The following TNS4 variants were observed in gnomAD, a reference collection of about 807,000 sequenced individuals.
TNS4 encodes tensin-4.
TNS4 carries 46 observed loss-of-function variants against 70.4 expected under a neutral mutation model. That is an observed-to-expected ratio of 0.65 (90% confidence interval 0.52 to 0.84). The LOEUF is 0.84. Ranked by LOEUF, TNS4 falls within the 40% of genes least tolerant of loss-of-function variation. The pLI, the probability that TNS4 is intolerant of heterozygous loss-of-function variation, is 0.00. For synonymous variants in TNS4, 390 were observed against 366.6 expected (o/e 1.06, Z -0.73); for missense variants, 863 against 907.0 (o/e 0.95, Z 0.62).
intron 9 of TNS4, among the ~76,000 whole-genome samples, chr17:40,480,419 C>G (rs1286006877): frequency 6.6e-6 from 1 of 152,134 alleles, no homozygotes; most frequent in Non-Finnish European, 1.5e-5. Context: ...GAGACCCTAG[C>G]ACGTGTGCAC....
In TNS4 at chr17:40,487,386, G is replaced by T; in HGVS notation, c.938C>A (p.Ser313Tyr). ...SSRSLESPAN[S>Y]SSSLHSLGSV... ...GCCAAGGCTGTGGAGGCTGGAGGAA[G>T]AGTTGGCTGGACTTTCCAAGGATCT... The change falls in exon 4 of 13, where the codon TCT (serine) becomes TAT (tyrosine). Residue 313 changes from serine (S) to tyrosine (Y), a missense_variant. Ser to Tyr is a moderately radical substitution (Grantham distance 144). Transcript: ENST00000254051. 1 of 1,614,188 alleles carries T rather than the reference G, an allele frequency of 6.2e-7. No homozygotes were observed.
rs143017479 is a variant in TNS4, at chr17:40,479,308, C to T, written c.1910+366G>A. Among the ~76,000 whole-genome samples the T allele has an allele frequency of 9.0e-4, 137 of 152,212 alleles. 1 individual carries two copies. The highest frequency in any genetic ancestry group is 1.5e-3 in the Non-Finnish European group (104 of 68,000). On this transcript the variant is annotated intron_variant, in intron 10 of 12. Coordinates refer to ENST00000254051, the MANE Select transcript of TNS4 (RefSeq NM_032865.6). ...GATTACAGGTGCGTGCCACCATGCC[C>T]GGCTAATTTTGTATTTTTAGTAGAG...
intron 2 of TNS4, among the ~76,000 whole-genome samples, chr17:40,494,538 C>A (rs1435846788): frequency 1.3e-5 from 2 of 152,146 alleles, no homozygotes; most frequent in East Asian, 1.9e-4. Flanking sequence ...TCGAGACCAG[C>A]CTGGCCAACA....
Position 40,478,635 on chromosome 17 carries a change from G to C in TNS4, c.1924C>G (p.Arg642Gly). ...TDVQRKVFFR[R>G]HYPLTTLRFC... ...CGGAGGGTGGTGAGTGGGTAATGGC[G>C]CCGGAAAAACACCCTAGGAGGAGGC... Residue 642 changes from arginine (R) to glycine (G), a missense_variant, in exon 11 of 13, where the codon CGC becomes GGC. Transcript: ENST00000254051. 1 of 1,614,130 alleles carries C rather than the reference G, an allele frequency of 6.2e-7. No individual in the cohort carries two copies. Among genetic ancestry groups the C allele is most frequent in the Non-Finnish European group, 8.5e-7 (1 of 1,179,984 alleles).
At chr17:40,484,648 C>G (rs758929871) in intron 5 of TNS4, 39 bp from the exon 6 acceptor site, 7 of 1,607,418 alleles carry the variant, frequency 4.4e-6, no homozygotes, top group Non-Finnish European at 5.1e-6. Context: ...CACCGCCCCA[C>G]CTGGACACCC....
In TNS4 at chr17:40,477,440, G is replaced by C; in HGVS notation, c.*148C>G. On this transcript the variant is annotated 3_prime_UTR_variant, in exon 13 of 13. Transcript: ENST00000254051. ...TGGTGACTGCTGAAGGCCATAGCAG[G>C]TTCAAGGGTGTCAACTTGATGCCAA... The C allele has an allele frequency of 9.2e-7, 1 of 1,087,648 alleles. No homozygotes were observed. The highest frequency in any genetic ancestry group is 1.3e-6 in the Non-Finnish European group (1 of 769,792). The allele number at this position is 1,087,648 out of a possible 1,614,324, so 67.4% of individuals were successfully genotyped here.
chr17:40,477,678 G>A lies in TNS4; in HGVS notation c.2058C>T (p.Cys686=), dbSNP rs376801021. The A allele has an allele frequency of 8.7e-6, 14 of 1,613,902 alleles. No homozygotes were observed. The highest frequency in any genetic ancestry group is 1.6e-4 in the Middle Eastern group (1 of 6,082). The change falls in exon 13 of 13, where the codon TGC becomes TGT. Residue 686 remains cysteine, a synonymous_variant. Transcript: ENST00000254051. ...KSQTEPQENV[C]HLFAEYDMVQ... ...CCATGTCATACTCCGCAAAGAGGTG[G>A]CATACGTTCTCCTGAGGCTCTGTCT... is the stretch of plus-strand genomic sequence containing the variant.
chr17:40,484,952 G>T lies in TNS4; in HGVS notation c.1344C>A (p.Tyr448Ter), dbSNP rs138694981. 2 of 1,614,102 alleles carry T rather than the reference G, an allele frequency of 1.2e-6. No homozygotes were observed. Among genetic ancestry groups the T allele is most frequent in the African/African-American group, 2.7e-5 (2 of 74,926 alleles). Residue 448 changes from tyrosine to a stop codon, truncating the protein, a stop_gained, in exon 5 of 13, where the codon TAC becomes TAA. Coordinates refer to ENST00000254051, the MANE Select transcript of TNS4 (RefSeq NM_032865.6). LOFTEE classifies it high-confidence loss of function. ...CTCGGGTGATGTTTGGCTTAAACCA[G>T]TATTTAGATGTGTCCATCACGAACT... ...TMKFVMDTSK[Y>*]WFKPNITREQ...
In TNS4 at chr17:40,488,655, C is replaced by A; in HGVS notation, c.754G>T (p.Ala252Ser). Residue 252 changes from alanine (A) to serine (S), a missense_variant, in exon 3 of 13, where the codon GCT (alanine) becomes TCT (serine). Coordinates refer to ENST00000254051, the MANE Select transcript of TNS4 (RefSeq NM_032865.6). ...AGCCGCTTCTCCAGTCTTGGAGAAG[C>A]CACCAGCGGGGAGCCCAAACCATGG... is the stretch of plus-strand genomic sequence containing the variant. The part of the protein sequence containing the change: ...SPHGLGSPLV[A>S]SPRLEKRLGG... 6.4e-7 allele frequency: 1 copy of A among 1,554,926 alleles called. No homozygotes were observed. The highest frequency in any genetic ancestry group is 8.7e-7 in the Non-Finnish European group (1 of 1,150,508).
At chr17:40,492,890 CAA>C (rs560001038) in intron 2 of TNS4, among the ~76,000 whole-genome samples, 1 of 151,942 alleles carries the variant, frequency 6.6e-6, no homozygotes, top group South Asian at 2.1e-4. Flanking sequence ...ACTAAAAATA[CAA>C]AAAAATTAGC....
At chr17:40,486,660 C>A (rs1433900138) in intron 4 of TNS4, among the ~76,000 whole-genome samples, 1 of 152,022 alleles carries the variant, frequency 6.6e-6, no homozygotes, top group Non-Finnish European at 1.5e-5. Context: ...TCCACACCTT[C>A]ATGACTGTGG....
rs2036028237 is a variant in TNS4, at chr17:40,488,840, A to G, written c.569T>C (p.Val190Ala). The G allele has an allele frequency of 6.2e-7, 1 of 1,611,906 alleles. No individual in the cohort carries two copies. The highest frequency in any genetic ancestry group is 8.5e-7 in the Non-Finnish European group (1 of 1,179,404). Residue 190 changes from valine (V) to alanine (A), a missense_variant, in exon 3 of 13, where the codon GTC becomes GCC. Physicochemically the swap from Val to Ala is moderately conservative, Grantham distance 64. Coordinates refer to ENST00000254051, the MANE Select transcript of TNS4 (RefSeq NM_032865.6). The stretch of plus-strand genomic sequence containing the variant: ...ACTGCTGCTTCGTGTCTCTCGGGGG[A>G]CGTCTCTGGAAAGGAGGAGGCCACC... ...RSGGLLLSRD[V>A]PRETRSSSES...
chr17:40,496,586 G>A (rs2036148944), intron 1 of TNS4, 66 bp from the exon 2 acceptor site: 3 of 712,748 alleles, frequency 4.2e-6, no homozygotes, highest in Non-Finnish European at 6.6e-6. Flanking sequence ...CCCACCCTCC[G>A]TACAAAGGCT....
chr17:40,485,383 C>G (rs917511494), intron 4 of TNS4, among the ~76,000 whole-genome samples: 1 of 152,226 alleles, frequency 6.6e-6, no homozygotes, highest in Non-Finnish European at 1.5e-5. Flanking sequence ...TTACATTCTC[C>G]TTCGTCTTCA....
chr17:40,492,850 G>T (rs151169359), intron 2 of TNS4, among the ~76,000 whole-genome samples: 1,566 of 152,140 alleles, frequency 0.01, 17 homozygotes, highest in African/African-American at 0.029. Flanking sequence ...TTCAAGACCA[G>T]CCTGGCCAAC....
rs2036139266 is a variant in TNS4 at position 40,496,100 on chromosome 17, A to G, written c.326T>C (p.Ile109Thr). Residue 109 changes from isoleucine to threonine, a missense_variant, in exon 2 of 13, where the codon ATC becomes ACC. Physicochemically the swap from Ile to Thr is moderately conservative, Grantham distance 89. Coordinates refer to ENST00000254051, the MANE Select transcript of TNS4 (RefSeq NM_032865.6). ...CTGGAAGGTGGGGTCCAGTTCCAGG[A>G]TCATCTGATTGAGGCTCTCCAGTGA... ...DFSLESLNQMILELDPTFQLL... is the reference protein window; with the variant it reads ...DFSLESLNQMTLELDPTFQLL... The G allele has an allele frequency of 6.2e-7, 1 of 1,612,018 alleles. No individual in the cohort carries two copies.
intron 4 of TNS4, among the ~76,000 whole-genome samples, chr17:40,485,416 G>T (rs1413342947): frequency 6.6e-6 from 1 of 152,198 alleles, no homozygotes; most frequent in Non-Finnish European, 1.5e-5. Context: ...TTCCTTACGG[G>T]AATATTCAGC....
intron 2 of TNS4, among the ~76,000 whole-genome samples, chr17:40,495,573 A>G (rs2036130893): frequency 6.6e-6 from 1 of 152,146 alleles, no homozygotes; most frequent in Non-Finnish European, 1.5e-5. Context: ...CTAAACAAGG[A>G]CAGAGGTCCC....
At chr17:40,479,222 A>T (rs1159365633) in intron 10 of TNS4, among the ~76,000 whole-genome samples, 1 of 152,032 alleles carries the variant, frequency 6.6e-6, no homozygotes, top group Non-Finnish European at 1.5e-5. Flanking sequence ...CTCTCAGCTC[A>T]CTACAACCTC....
Sources: gnomAD v4.1 joint callset for allele counts (sites outside exome capture counted in the v4.1 genomes callset) on GRCh38, gnomAD v4.1.1 for gene constraint, MANE v1.5 for transcripts, NCBI Gene and HGNC (gene_info 2026-07-23, HGNC 2026-07-21) for gene names.